SATB2: variants seen among roughly 807,000 people sequenced by gnomAD.
SATB2 encodes DNA-binding protein SATB2.
In SATB2, 1 loss-of-function variant was observed where a neutral mutation model predicts 73.4. That is an observed-to-expected ratio of 0.01 (90% CI 0.00 to 0.06). SATB2 has a LOEUF of 0.06. Ranked by LOEUF, SATB2 falls within the 10% of genes least tolerant of loss-of-function variation. The pLI is 1.00. For missense variants in SATB2, 459 were observed against 945.8 expected (o/e 0.49, Z 6.75); for synonymous variants, 397 against 367.0 (o/e 1.08, Z -0.93).
intron 5 of SATB2, among the ~76,000 whole-genome samples, chr2:199,378,692 T>C (rs947620642): frequency 1.3e-5 from 2 of 152,186 alleles, no homozygotes; most frequent in Admixed American, 6.5e-5. Flanking sequence ...ACACACACAT[T>C]CAGTTCACAT....
upstream of SATB2, among the ~76,000 whole-genome samples, chr2:199,461,653 ATC>A (rs1692479657): frequency 6.6e-6 from 1 of 152,202 alleles, no homozygotes; most frequent in African/African-American, 2.4e-5. Context: ...TTTGTCGGGA[ATC>A]TGCTCAGACT....
intron 3 of SATB2, among the ~76,000 whole-genome samples, chr2:199,385,083 C>T (rs1006647131): frequency 2.6e-5 from 4 of 152,106 alleles, no homozygotes; most frequent in African/African-American, 7.2e-5. Flanking sequence ...TCCTCAGTGG[C>T]GTCTTTCCTT....
intron 5 of SATB2, 52 bp from the exon 6 acceptor site, chr2:199,368,759 G>A (rs1365622014): frequency 7.2e-6 from 8 of 1,116,412 alleles, no homozygotes; most frequent in Non-Finnish European, 1.1e-5. Context: ...CTTCTTTTTA[G>A]GGACAAGAAA....
At chr2:199,356,225 CAAAAAAAAAAA>C (rs200509001) in intron 6 of SATB2, among the ~76,000 whole-genome samples, 1 of 100,980 alleles carries the variant, frequency 9.9e-6, no homozygotes, top group Non-Finnish European at 1.8e-5. Context: ...GAACATAAGC[CAAAAAAAAAAA>C]AAAAAAAAAA....
intron 6 of SATB2, among the ~76,000 whole-genome samples, chr2:199,365,411 G>C (rs966253558): frequency 6.6e-6 from 1 of 152,002 alleles, no homozygotes; most frequent in African/African-American, 2.4e-5. Flanking sequence ...CTTAGACCTT[G>C]AAACCAGAGT....
chr2:199,341,361 T>G (rs1688501073), intron 7 of SATB2, among the ~76,000 whole-genome samples: 1 of 152,218 alleles, frequency 6.6e-6, no homozygotes, highest in African/African-American at 2.4e-5. Context: ...TGTGCATCAC[T>G]GCAGGAGCAC....
At chr2:199,305,705 G>C (rs1232751165) in intron 10 of SATB2, among the ~76,000 whole-genome samples, 2 of 152,074 alleles carry the variant, frequency 1.3e-5, no homozygotes, top group Non-Finnish European at 2.9e-5. Flanking sequence ...GTGATGCAAA[G>C]CTCCCTCTTT....
chr2:199,334,944 T>C (rs1688293416), intron 7 of SATB2, among the ~76,000 whole-genome samples: 1 of 152,052 alleles, frequency 6.6e-6, no homozygotes, highest in South Asian at 2.1e-4. Flanking sequence ...TATTAACAGG[T>C]TTCCCTGGGT....
chr2:199,381,995 A>G (rs1689793529), intron 3 of SATB2, among the ~76,000 whole-genome samples, 175 bp from the exon 4 acceptor site: 1 of 152,230 alleles, frequency 6.6e-6, no homozygotes, highest in African/African-American at 2.4e-5. Flanking sequence ...TTAGTTAACT[A>G]TACAGGAAGA....
intron 3 of SATB2, among the ~76,000 whole-genome samples, chr2:199,409,365 T>C (rs939751965): frequency 1.4e-4 from 22 of 152,094 alleles, no homozygotes; most frequent in Admixed American, 3.9e-4. Flanking sequence ...AGACAGGGTT[T>C]CTCCATGTCG....
intron 7 of SATB2, chr2:199,348,373 C>A (rs1574531695): frequency 9.3e-6 from 2 of 214,230 alleles, no homozygotes; most frequent in Non-Finnish European, 9.3e-6. Flanking sequence ...CTGATAATCA[C>A]AAAATTCAAG....
intron 2 of SATB2, among the ~76,000 whole-genome samples, chr2:199,438,787 A>G (rs1360083569): frequency 6.6e-6 from 1 of 152,222 alleles, no homozygotes; most frequent in African/African-American, 2.4e-5. Flanking sequence ...TAACATACAC[A>G]CCTTTATCTT....
chr2:199,331,936 G>A (rs1202248417), intron 7 of SATB2, among the ~76,000 whole-genome samples: 1 of 152,016 alleles, frequency 6.6e-6, no homozygotes, highest in Non-Finnish European at 1.5e-5. Context: ...TATGTCATCT[G>A]GCATTTTAAT....
At chr2:199,445,271 T>G (rs1691932018) in intron 2 of SATB2, among the ~76,000 whole-genome samples, 1 of 152,028 alleles carries the variant, frequency 6.6e-6, no homozygotes, top group Non-Finnish European at 1.5e-5. Flanking sequence ...TGGAACAGTG[T>G]GAAAAAAGAG....
intron 9 of SATB2, among the ~76,000 whole-genome samples, chr2:199,309,455 C>A (rs1687533134): frequency 6.6e-6 from 1 of 152,204 alleles, no homozygotes; most frequent in South Asian, 2.1e-4. Flanking sequence ...AAAATAGAAG[C>A]AACAACCTTG....
In SATB2 at chr2:199,320,338, C is replaced by T. The variant is rs185335109; in HGVS notation, c.1542+3465G>A. 2.6e-5 allele frequency among the ~76,000 whole-genome samples: 4 copies of T among 152,216 alleles called. No individual in the cohort carries two copies. The East Asian group carries it at 7.7e-4, about 29-fold the overall frequency. On this transcript the variant is annotated intron_variant, in intron 9 of 10. Coordinates refer to ENST00000417098, the MANE Select transcript of SATB2 (RefSeq NM_001172509.2). ...AAAGGAAGGTAATCCTCAGAATTCACACACAGAAAATTATTTTAAAACACT... is the reference window on the plus strand; with the variant it reads ...AAAGGAAGGTAATCCTCAGAATTCATACACAGAAAATTATTTTAAAACACT...
chr2:199,311,359 C>G (rs1486931990), intron 9 of SATB2, among the ~76,000 whole-genome samples: 1 of 152,142 alleles, frequency 6.6e-6, no homozygotes, highest in African/African-American at 2.4e-5. Context: ...GAGCCTTCAA[C>G]AGCGCACCCC....
chr2:199,411,599 T>C (rs1690820835), intron 3 of SATB2, among the ~76,000 whole-genome samples: 1 of 152,174 alleles, frequency 6.6e-6, no homozygotes, highest in Non-Finnish European at 1.5e-5. Flanking sequence ...ACACCCAATG[T>C]CACAAAACAA....
At chr2:199,408,141 T>C (rs762461594) in intron 3 of SATB2, among the ~76,000 whole-genome samples, 2 of 152,156 alleles carry the variant, frequency 1.3e-5, no homozygotes, top group African/African-American at 2.4e-5. Context: ...ACACACTGAG[T>C]ACTATCGTGG....
Sources: gnomAD v4.1 joint callset for allele counts (sites outside exome capture counted in the v4.1 genomes callset) on GRCh38, gnomAD v4.1.1 for gene constraint, MANE v1.5 for transcripts, NCBI Gene and HGNC (gene_info 2026-07-23, HGNC 2026-07-21) for gene names.